The following MSRA variants were observed in gnomAD, a reference collection of about 807,000 sequenced individuals.
MSRA encodes mitochondrial peptide methionine sulfoxide reductase.
A neutral mutation model predicts 31.3 loss-of-function variants in MSRA; 54 were observed. That is an observed-to-expected ratio of 1.73 (90% CI 1.39 to 2.17). MSRA has a LOEUF of 2.17. MSRA is among the 30% of genes most tolerant of loss of function. The pLI, the probability that MSRA is intolerant of heterozygous loss-of-function variation, is 0.00. For synonymous variants in MSRA, 169 were observed against 116.5 expected (o/e 1.45, Z -2.90); for missense variants, 507 against 300.9 (o/e 1.69, Z -5.07).
In MSRA at chr8:10,287,906, G is replaced by C. The variant is rs536156276; in HGVS notation, c.332-13628G>C. On this transcript the variant is annotated intron_variant, in intron 3 of 5. Coordinates refer to ENST00000317173, the MANE Select transcript of MSRA (RefSeq NM_012331.5). ...TCTCCAGCAGTAATTGCTTCATCCTGGAGTTGCCATTTGCTTGTTTCTCTG... is the reference window on the plus strand; with the variant it reads ...TCTCCAGCAGTAATTGCTTCATCCTCGAGTTGCCATTTGCTTGTTTCTCTG... Among the ~76,000 whole-genome samples, 3 of 152,232 alleles carry C rather than the reference G, an allele frequency of 2.0e-5. No individual in the cohort carries two copies. The East Asian group carries it at 5.8e-4, about 29-fold the overall frequency.
chr8:10,133,638 A>G (rs975865722), intron 1 of MSRA, among the ~76,000 whole-genome samples: 1 of 152,178 alleles, frequency 6.6e-6, no homozygotes, highest in Non-Finnish European at 1.5e-5. Flanking sequence ...AAAGACCTAC[A>G]TCACAGGGTT....
At position 10,054,310 on chromosome 8, in the gene MSRA, C is replaced by T; in HGVS notation, c.-207C>T. ...ACCCCCTGTCCAGGGAAGGAACACGCCCCCGGTGACAGCCGGTACGGCCCC... is the reference window on the plus strand; with the variant it reads ...ACCCCCTGTCCAGGGAAGGAACACGTCCCCGGTGACAGCCGGTACGGCCCC... On this transcript the variant is annotated 5_prime_UTR_variant, in exon 1 of 6. Coordinates refer to ENST00000317173, the MANE Select transcript of MSRA (RefSeq NM_012331.5). 1 of 380,470 alleles carries T rather than the reference C, an allele frequency of 2.6e-6. No individual in the cohort carries two copies. The highest frequency in any genetic ancestry group is 4.5e-6 in the Non-Finnish European group (1 of 222,678). 23.6% of individuals were successfully genotyped at this position (380,470 alleles called of 1,614,324 possible).
chr8:10,310,328 A>T (rs1256579616), intron 4 of MSRA, among the ~76,000 whole-genome samples: 1 of 152,216 alleles, frequency 6.6e-6, no homozygotes, highest in Non-Finnish European at 1.5e-5. Flanking sequence ...AACAGAGAAA[A>T]ATGAAACAAA....
At chr8:10,418,576 G>A (rs1368169338) in intron 5 of MSRA, among the ~76,000 whole-genome samples, 1 of 151,990 alleles carries the variant, frequency 6.6e-6, no homozygotes, top group African/African-American at 2.4e-5. Context: ...AGTTTATCTG[G>A]GTAGAGTGTC....
intron 5 of MSRA, among the ~76,000 whole-genome samples, chr8:10,334,629 A>G (rs1338175484): frequency 6.6e-6 from 1 of 152,158 alleles, no homozygotes; most frequent in African/African-American, 2.4e-5. Context: ...CACCGAGGCA[A>G]TGTTCATTTA....
At position 10,350,728 on chromosome 8, in the gene MSRA, A is replaced by G. The variant is rs182958769; in HGVS notation, c.543+30739A>G. Among the ~76,000 whole-genome samples, 14 of 152,048 alleles carry G rather than the reference A, an allele frequency of 9.2e-5. No individual in the cohort carries two copies. The East Asian group carries it at 2.3e-3, about 25-fold the overall frequency. ...CCGTGGCTCCTTGCCAAGGCCGGCA[A>G]CCCTTGATGGTGGCAGCACGGAGCA... On this transcript the variant is annotated intron_variant, in intron 5 of 5. Coordinates refer to ENST00000317173, the MANE Select transcript of MSRA (RefSeq NM_012331.5).
At chr8:10,369,517 T>A (rs747887595) in intron 5 of MSRA, among the ~76,000 whole-genome samples, 31 of 152,352 alleles carry the variant, frequency 2.0e-4, no homozygotes, top group Non-Finnish European at 1.3e-4. Flanking sequence ...GACTTTGTCA[T>A]CTTTTGACCT....
intron 1 of MSRA, among the ~76,000 whole-genome samples, chr8:10,152,211 G>A (rs1329873196): frequency 6.6e-6 from 1 of 152,186 alleles, no homozygotes; most frequent in African/African-American, 2.4e-5. Flanking sequence ...AAAACTGTCT[G>A]TGTGCAAATA....
chr8:10,389,892 C>T (rs1308409638), intron 5 of MSRA, among the ~76,000 whole-genome samples: 2 of 151,786 alleles, frequency 1.3e-5, no homozygotes, highest in South Asian at 2.1e-4. Context: ...TTCACAGAAT[C>T]GCCCATGGTG....
At chr8:10,107,782 C>T (rs1204536535) in intron 1 of MSRA, among the ~76,000 whole-genome samples, 2 of 152,086 alleles carry the variant, frequency 1.3e-5, no homozygotes, top group Admixed American at 1.3e-4. Flanking sequence ...CTGTCTTGTC[C>T]GGGCCAGGGG....
intron 5 of MSRA, among the ~76,000 whole-genome samples, chr8:10,405,754 CATGTGCTCACACACACCT>C (rs61516507): frequency 0.45 from 68,258 of 151,644 alleles, 16,988 homozygotes; most frequent in Non-Finnish European, 0.57. Context: ...CACACACACC[CATGTGCTCACACACACCT>C]ATGTGCTCAC....
chr8:10,181,645 C>A (rs1354395980), intron 1 of MSRA, among the ~76,000 whole-genome samples: 1 of 151,830 alleles, frequency 6.6e-6, no homozygotes. Context: ...GGAGAGGAGC[C>A]CAGAGAGAGG....
chr8:10,139,173 G>C (rs1802501726), intron 1 of MSRA, among the ~76,000 whole-genome samples: 1 of 152,176 alleles, frequency 6.6e-6, no homozygotes, highest in South Asian at 2.1e-4. Context: ...TTTCACTGTT[G>C]ATATTTCATC....
intron 5 of MSRA, among the ~76,000 whole-genome samples, chr8:10,364,216 T>C (rs1394017965): frequency 6.6e-6 from 1 of 152,206 alleles, no homozygotes; most frequent in Non-Finnish European, 1.5e-5. Flanking sequence ...TCCCTGCCCG[T>C]ATGAGTTATT....
chr8:10,357,706 G>A (rs1019789577), intron 5 of MSRA, among the ~76,000 whole-genome samples: 1 of 152,188 alleles, frequency 6.6e-6, no homozygotes, highest in African/African-American at 2.4e-5. Flanking sequence ...AAGACCAGCT[G>A]GGGCAGCATG....
At chr8:10,393,684 G>T (rs1806910066) in intron 5 of MSRA, among the ~76,000 whole-genome samples, 2 of 152,196 alleles carry the variant, frequency 1.3e-5, no homozygotes, top group Non-Finnish European at 2.9e-5. Flanking sequence ...GCATCCGTAT[G>T]TCTTGTATAG....
intron 1 of MSRA, among the ~76,000 whole-genome samples, chr8:10,163,289 T>G (rs10104376): frequency 0.045 from 6,845 of 152,260 alleles, 518 homozygotes; most frequent in African/African-American, 0.16. Context: ...CTGTAGGATT[T>G]GAAGCAGGTG....
intron 1 of MSRA, among the ~76,000 whole-genome samples, chr8:10,136,999 G>C (rs1029010538): frequency 6.6e-6 from 1 of 152,206 alleles, no homozygotes; most frequent in Admixed American, 6.5e-5. Flanking sequence ...TTACCATATA[G>C]ATAGATCAAA....
At chr8:10,194,610 A>G (rs1444160773) in intron 1 of MSRA, among the ~76,000 whole-genome samples, 1 of 152,216 alleles carries the variant, frequency 6.6e-6, no homozygotes, top group African/African-American at 2.4e-5. Context: ...CTGCAGCCCA[A>G]TTTTGTAGAG....
Sources: allele counts gnomAD v4.1 joint callset (sites outside exome capture counted in the v4.1 genomes callset), GRCh38; gene constraint gnomAD v4.1.1; transcripts MANE v1.5; gene names NCBI Gene and HGNC (gene_info 2026-07-23, HGNC 2026-07-21).